The following RBFOX1 variants were observed in gnomAD, a reference collection of about 807,000 sequenced individuals.
RBFOX1 encodes RNA binding fox-1 homolog 1.
RBFOX1 carries 8 observed loss-of-function variants against 57.7 expected under a neutral mutation model. That is an observed-to-expected ratio of 0.14 (90% CI 0.08 to 0.25). The LOEUF (loss-of-function observed/expected upper bound fraction) is 0.25. Among genes scored for constraint, RBFOX1 ranks in the 10% least tolerant of loss-of-function variants. The pLI is 1.00. For missense variants in RBFOX1, 611 were observed against 548.5 expected, an observed-to-expected ratio of 1.11 and a Z score of -1.14; for synonymous variants, 326 against 222.4, an observed-to-expected ratio of 1.47 and a Z score of -4.15.
intron 4 of RBFOX1, among the ~76,000 whole-genome samples, chr16:7,224,367 G>C (rs28654491): frequency 0.051 from 7,705 of 152,178 alleles, 237 homozygotes; most frequent in South Asian, 0.086. Flanking sequence ...CAGTCCCATT[G>C]ACATTTGAAT....
chr16:7,025,889 C>T (rs1337741346), intron 3 of RBFOX1, among the ~76,000 whole-genome samples: 1 of 152,120 alleles, frequency 6.6e-6, no homozygotes, highest in Non-Finnish European at 1.5e-5. Flanking sequence ...CTTAATAGTA[C>T]AGGCCTGGAC....
intron 2 of RBFOX1, among the ~76,000 whole-genome samples, chr16:6,565,406 C>T (rs111648061): frequency 8.3e-5 from 12 of 144,224 alleles, no homozygotes; most frequent in South Asian, 2.3e-4. Flanking sequence ...TACAGGCGCC[C>T]GCCACCATGC....
chr16:6,470,002 C>T (rs529842842), intron 2 of RBFOX1, among the ~76,000 whole-genome samples: 1 of 152,266 alleles, frequency 6.6e-6, no homozygotes, highest in Admixed American at 6.5e-5. Context: ...CAAAGTAATC[C>T]AGTGTCCTAT....
intron 2 of RBFOX1, among the ~76,000 whole-genome samples, chr16:6,591,444 ACT>A (rs948324194): frequency 6.6e-6 from 1 of 151,888 alleles, no homozygotes; most frequent in Non-Finnish European, 1.5e-5. Flanking sequence ...TCGTAGTGAG[ACT>A]CTGTCTCACA....
At chr16:6,795,623 TG>T (rs1484450693) in intron 3 of RBFOX1, among the ~76,000 whole-genome samples, 1 of 151,820 alleles carries the variant, frequency 6.6e-6, no homozygotes, top group Non-Finnish European at 1.5e-5. Context: ...AAAATTAGCC[TG>T]GCATGGTTGG....
chr16:6,323,795 T>TAGAG (rs1229908971), intron 2 of RBFOX1, among the ~76,000 whole-genome samples: 1 of 151,904 alleles, frequency 6.6e-6, no homozygotes, highest in African/African-American at 2.4e-5. Context: ...TTTTTTGAGA[T>TAGAG]AGAGTCTCAC....
chr16:6,508,753 C>A (rs2096178935), intron 2 of RBFOX1, among the ~76,000 whole-genome samples: 1 of 152,098 alleles, frequency 6.6e-6, no homozygotes, highest in African/African-American at 2.4e-5. Flanking sequence ...GAATTACTTG[C>A]CATATTTAAG....
intron 3 of RBFOX1, among the ~76,000 whole-genome samples, chr16:7,019,248 T>G (rs901228178): frequency 3.3e-5 from 5 of 152,144 alleles, no homozygotes; most frequent in African/African-American, 1.2e-4. Context: ...GTTTAGGTTT[T>G]GTTAGGTTGG....
chr16:6,102,013 A>G (rs1199786192), intron 1 of RBFOX1, among the ~76,000 whole-genome samples: 4 of 152,042 alleles, frequency 2.6e-5, no homozygotes, highest in African/African-American at 9.7e-5. Flanking sequence ...TTCACATTCT[A>G]ATAATTAAAA....
chr16:6,572,397 A>G (rs2097356966), intron 2 of RBFOX1, among the ~76,000 whole-genome samples: 1 of 152,220 alleles, frequency 6.6e-6, no homozygotes, highest in African/African-American at 2.4e-5. Flanking sequence ...ATCTACTTAC[A>G]GGATCAAAAC....
At chr16:5,417,528 A>G (rs1273941065) in intron 1 of RBFOX1, among the ~76,000 whole-genome samples, 1 of 152,108 alleles carries the variant, frequency 6.6e-6, no homozygotes, top group Non-Finnish European at 1.5e-5. Flanking sequence ...TTCTGGACAA[A>G]GATGATCAAT....
intron 4 of RBFOX1, among the ~76,000 whole-genome samples, chr16:7,289,053 A>G (rs1051542423): frequency 6.6e-6 from 1 of 152,172 alleles, no homozygotes; most frequent in African/African-American, 2.4e-5. Context: ...AAGATCATAA[A>G]TTATTAACAT....
At chr16:6,451,292 A>G (rs551527310) in intron 2 of RBFOX1, among the ~76,000 whole-genome samples, 1 of 152,254 alleles carries the variant, frequency 6.6e-6, no homozygotes, top group South Asian at 2.1e-4. Context: ...ACTAATAATT[A>G]TGGAAGTATC....
intron 4 of RBFOX1, among the ~76,000 whole-genome samples, chr16:5,871,973 G>A (rs2057485482): frequency 1.3e-5 from 2 of 152,160 alleles, no homozygotes; most frequent in African/African-American, 4.8e-5. Flanking sequence ...GAGAATGTAG[G>A]TGGAATCTCC....
intron 3 of RBFOX1, among the ~76,000 whole-genome samples, chr16:5,768,868 T>TTTTG (rs923570067): frequency 3.3e-5 from 5 of 152,036 alleles, no homozygotes; most frequent in Non-Finnish European, 7.4e-5. Flanking sequence ...CATCACTGTT[T>TTTTG]TTTGTTTGTT....
At chr16:7,063,359 A>G (rs570497204) in intron 4 of RBFOX1, among the ~76,000 whole-genome samples, 12 of 152,260 alleles carry the variant, frequency 7.9e-5, no homozygotes, top group African/African-American at 2.9e-4. Flanking sequence ...TATCAAAGAT[A>G]TATCAGTATC....
chr16:7,029,225 C>CGTATACGTATATATATATACACAT (rs2042114257), intron 3 of RBFOX1, among the ~76,000 whole-genome samples: 2 of 45,436 alleles, frequency 4.4e-5, no homozygotes, highest in Admixed American at 4.5e-4. Context: ...TATATACACA[C>CGTATACGTATATATATATACACAT]ATATATATAC....
chr16:7,368,566 C>T (rs968706938), intron 4 of RBFOX1, among the ~76,000 whole-genome samples: 1 of 151,890 alleles, frequency 6.6e-6, no homozygotes. Flanking sequence ...ATCATGAGGT[C>T]AGGAGATCAA....
At chr16:5,787,592 G>C (rs1270028436) in intron 3 of RBFOX1, among the ~76,000 whole-genome samples, 1 of 152,226 alleles carries the variant, frequency 6.6e-6, no homozygotes, top group Non-Finnish European at 1.5e-5. Context: ...TGATAAGTAA[G>C]TATATGTGAA....
Sources: allele counts gnomAD v4.1 joint callset (sites outside exome capture counted in the v4.1 genomes callset), GRCh38; gene constraint gnomAD v4.1.1; transcripts MANE v1.5; gene names NCBI Gene and HGNC (gene_info 2026-07-23, HGNC 2026-07-21).